The following TMIGD3 variants were observed in gnomAD, a reference collection of about 807,000 sequenced individuals.
The protein encoded by TMIGD3 is transmembrane and immunoglobulin domain containing 3.
TMIGD3 carries 21 observed loss-of-function variants against 28.1 expected under a neutral mutation model. The ratio of observed to expected loss-of-function variants is 0.75; its 90% confidence interval spans 0.53 to 1.08. The LOEUF (loss-of-function observed/expected upper bound fraction) is 1.08. Among genes scored for constraint, TMIGD3 ranks in the 50% least tolerant of loss-of-function variants. TMIGD3 has a pLI of 0.00. For missense variants in TMIGD3, 416 were observed against 435.6 expected (o/e 0.96, Z 0.40); for synonymous variants, 151 against 162.1 (o/e 0.93, Z 0.52).
chr1:111,560,674 GA>G (rs1396410683), intron 1 of TMIGD3, among the ~76,000 whole-genome samples: 1 of 151,820 alleles, frequency 6.6e-6, no homozygotes, highest in African/African-American at 2.4e-5. Flanking sequence ...CCATTTGTTG[GA>G]GAGACAGGGA....
upstream of TMIGD3, among the ~76,000 whole-genome samples, chr1:111,506,815 C>A (rs966001853): frequency 6.6e-6 from 1 of 151,578 alleles, no homozygotes; most frequent in African/African-American, 2.4e-5. Context: ...GCTGGTAAGG[C>A]TGGGGCCCCA....
rs185246935 is a variant in TMIGD3, at chr1:111,483,814, G to C, written c.974-57C>G. 4,984 of 1,428,332 alleles carry C rather than the reference G, an allele frequency of 3.5e-3. 14 individuals are homozygous for C. The highest frequency in any genetic ancestry group is 4.1e-3 in the Non-Finnish European group (4,204 of 1,014,522). The allele number at this position is 1,428,332 out of a possible 1,614,324, so 88.5% of individuals were successfully genotyped here. A position where few individuals can be genotyped will look rare whatever the true frequency, so the allele number is the denominator to read the frequency against. On this transcript the variant is annotated intron_variant, in intron 5 of 5. Transcript: ENST00000369716. ...TTGAGATCTATTGCCTACCCCTGAA[G>C]AGTGTTTCTGCAGCAAAAGTTCCAA...
chr1:111,493,869 A>T (rs928102003), intron 1 of TMIGD3, among the ~76,000 whole-genome samples: 26 of 152,214 alleles, frequency 1.7e-4, no homozygotes, highest in Non-Finnish European at 8.8e-5. Context: ...GAATTTACAA[A>T]GGGTCTTTAA....
At chr1:111,511,674 T>TACACACACACAC (rs72064023) in intron 1 of TMIGD3, among the ~76,000 whole-genome samples, 17,070 of 148,824 alleles carry the variant, frequency 0.11, 1,016 homozygotes, top group East Asian at 0.21. Context: ...TGGTGCCCTT[T>TACACACACACAC]ACACACACAC....
chr1:111,549,387 G>A (rs772641715), intron 1 of TMIGD3, among the ~76,000 whole-genome samples: 13 of 146,626 alleles, frequency 8.9e-5, no homozygotes, highest in Non-Finnish European at 1.5e-4. Context: ...GGTGGCTCAC[G>A]CTTGTAATCC....
intron 1 of TMIGD3, among the ~76,000 whole-genome samples, chr1:111,532,764 G>T (rs898572953): frequency 6.6e-5 from 10 of 152,146 alleles, no homozygotes; most frequent in Non-Finnish European, 1.5e-4. Context: ...CCTAACCGTG[G>T]CTTGTACCAG....
At chr1:111,531,127 A>T (rs1656444349) in intron 1 of TMIGD3, among the ~76,000 whole-genome samples, 1 of 152,100 alleles carries the variant, frequency 6.6e-6, no homozygotes, top group Non-Finnish European at 1.5e-5. Context: ...AAAATGCAAA[A>T]ATTAGCTAGG....
intron 5 of TMIGD3, among the ~76,000 whole-genome samples, chr1:111,484,208 T>C (rs1420149044): frequency 2.6e-5 from 4 of 152,214 alleles, no homozygotes; most frequent in African/African-American, 7.2e-5. Flanking sequence ...TGGGTGTTGA[T>C]GTGTGATGTG....
chr1:111,546,664 T>G (rs1414279905), intron 1 of TMIGD3, among the ~76,000 whole-genome samples: 1 of 152,202 alleles, frequency 6.6e-6, no homozygotes, highest in African/African-American at 2.4e-5. Context: ...GTTTATCAAT[T>G]CATCCATTGA....
At chr1:111,505,123 C>CAA (rs1655438629), upstream of TMIGD3, 4 of 141,290 alleles carry the variant, frequency 2.8e-5, no homozygotes, top group Non-Finnish European at 4.3e-5. Flanking sequence ...CAGCACTCTG[C>CAA]CAAAAAAAAA....
chr1:111,499,971 G>A (rs1473275308), intron 1 of TMIGD3: 1 of 1,614,092 alleles, frequency 6.2e-7, no homozygotes, highest in Non-Finnish European at 8.5e-7. Flanking sequence ...TCTTCTCAAT[G>A]CTTGTGTCCA....
In TMIGD3 at chr1:111,522,897, T is replaced by C. The variant is rs138584053; in HGVS notation, c.108-32135A>G. On this transcript the variant is annotated intron_variant, in intron 1 of 5. Coordinates refer to the TMIGD3 transcript ENST00000369717. ...TTACTTTTTGTGTATTGAACTTATG[T>C]AGGATTTTCTACACAGGCAATCATT... 6.9e-3 allele frequency among the ~76,000 whole-genome samples: 1,058 copies of C among 152,326 alleles called. 15 individuals carry two copies. Among genetic ancestry groups the C allele is most frequent in the African/African-American group, 0.024 (1,018 of 41,564 alleles).
chr1:111,537,301 T>C (rs11102302), intron 1 of TMIGD3, among the ~76,000 whole-genome samples: 28,469 of 152,128 alleles, frequency 0.19, 3,055 homozygotes, highest in East Asian at 0.47. Flanking sequence ...ATAGGGACTA[T>C]CCTTTTAAAT....
intron 1 of TMIGD3, among the ~76,000 whole-genome samples, chr1:111,530,452 T>C (rs2101013553): frequency 6.6e-6 from 1 of 152,354 alleles, no homozygotes; most frequent in Middle Eastern, 3.4e-3. Flanking sequence ...CCTTCTGATA[T>C]TGTTTTCCTT....
At chr1:111,548,881 A>T (rs1318783614) in intron 1 of TMIGD3, among the ~76,000 whole-genome samples, 3 of 152,144 alleles carry the variant, frequency 2.0e-5, no homozygotes, top group African/African-American at 7.2e-5. Flanking sequence ...TGTCGCTCTG[A>T]TATGGGCTGT....
chr1:111,559,367 T>C (rs977270141), intron 1 of TMIGD3, among the ~76,000 whole-genome samples: 27 of 152,164 alleles, frequency 1.8e-4, no homozygotes, highest in Non-Finnish European at 1.5e-4. Flanking sequence ...CTATTAGGCA[T>C]TTACGATTCA....
upstream of TMIGD3, among the ~76,000 whole-genome samples, chr1:111,504,294 G>C (rs751497033): frequency 6.6e-6 from 1 of 152,190 alleles, no homozygotes. Context: ...TGTGAGGAAC[G>C]ACAGAATAGC....
chr1:111,549,231 A>T (rs35375890), intron 1 of TMIGD3, among the ~76,000 whole-genome samples: 14,089 of 152,002 alleles, frequency 0.093, 801 homozygotes, highest in Middle Eastern at 0.15. Flanking sequence ...TTATTTTTTT[A>T]AAAAATCTTT....
Position 111,483,500 on chromosome 1 carries a change from G to A in TMIGD3, c.*187C>T. 3.3e-6 allele frequency: 2 copies of A among 601,500 alleles called. No individual in the cohort carries two copies. The highest frequency in any genetic ancestry group is 6.0e-6 in the Non-Finnish European group (2 of 333,800). 37.3% of individuals were successfully genotyped at this position (601,500 alleles called of 1,614,324 possible). On this transcript the variant is annotated 3_prime_UTR_variant, in exon 6 of 6. Transcript: ENST00000369716. ...TGTTATTTGAGGGCAGCCTTGCTTG[G>A]GTGTGGTCTATCATAGCTCCTCTGA...
Sources: gnomAD v4.1 joint callset for allele counts (sites outside exome capture counted in the v4.1 genomes callset) on GRCh38, gnomAD v4.1.1 for gene constraint, MANE v1.5 for transcripts, NCBI Gene and HGNC (gene_info 2026-07-23, HGNC 2026-07-21) for gene names.